The following HEBP2 variants were observed in gnomAD, a reference collection of about 807,000 sequenced individuals.
HEBP2 encodes the protein heme-binding protein 2.
Under a neutral mutation model 23.1 loss-of-function variants are expected in HEBP2, and 27 were observed. That is an observed-to-expected ratio of 1.17 (90% CI 0.86 to 1.61). The LOEUF is 1.61. Ranked by LOEUF, HEBP2 falls within the 40% of genes most tolerant of loss-of-function variation. HEBP2 has a pLI of 0.00. For synonymous variants in HEBP2, 99 were observed against 95.1 expected (o/e 1.04, Z -0.24); for missense variants, 245 against 253.8 (o/e 0.97, Z 0.24).
chr6:138,415,493 A>T lies in HEBP2; in HGVS notation c.*2415A>T, dbSNP rs1774827575. 1 of 152,202 alleles carries T rather than the reference A, an allele frequency of 6.6e-6. No homozygotes were observed. The highest frequency in any genetic ancestry group is 2.1e-4 in the South Asian group (1 of 4,830). The allele number at this position is 152,202 out of a possible 1,614,324, so 9.4% of individuals were successfully genotyped here. A position where few individuals can be genotyped will look rare whatever the true frequency, so the allele number is the denominator to read the frequency against. ...AATATGGGAAGGGTGGATAAAAGAG[A>T]CAAGGACAGTGGGCTTCCATGGTTA... On this transcript the variant is annotated 3_prime_UTR_variant, in exon 4 of 4. Transcript: ENST00000607197.
At chr6:138,403,557 G>A (rs1473984010), upstream of HEBP2, 3 of 475,954 alleles carry the variant, frequency 6.3e-6, no homozygotes, top group Non-Finnish European at 7.5e-6. Context: ...AGCTCTGGCT[G>A]CCCACGATGG....
chr6:138,410,169 C>T (rs962703678), intron 3 of HEBP2, among the ~76,000 whole-genome samples: 14 of 152,052 alleles, frequency 9.2e-5, no homozygotes, highest in African/African-American at 3.1e-4. Flanking sequence ...TATTTATAGA[C>T]GGAAATTTCT....
At position 138,413,038 on chromosome 6, in the gene HEBP2, G is replaced by A. The variant is rs1361730240; in HGVS notation, c.578G>A (p.Trp193Ter). 3.1e-6 allele frequency: 5 copies of A among 1,613,630 alleles called. No individual in the cohort carries two copies. The Admixed American group carries it at 6.7e-5, about 22-fold the overall frequency. ...TTGCTTAATAGAAATAATGAAGTGT[G>A]GTTGATTCAAAAAAATGAACCCACC... ...VKLLNRNNEV[W>*]LIQKNEPTKE... Residue 193 changes from tryptophan to a stop codon, truncating the protein, a stop_gained, in exon 4 of 4, where the codon TGG becomes TAG. Transcript: ENST00000607197. LOFTEE classifies it high-confidence loss of function.
chr6:138,406,267 A>C, intron 3 of HEBP2, 116 bp downstream of exon 3: 1 of 905,372 alleles, frequency 1.1e-6, no homozygotes, highest in East Asian at 2.4e-5. Context: ...AATCAGGTCT[A>C]ATGCATTTTG....
At chr6:138,403,556 TG>T, upstream of HEBP2, 2 of 475,718 alleles carry the variant, frequency 4.2e-6, no homozygotes, top group Non-Finnish European at 7.5e-6. Context: ...GAGCTCTGGC[TG>T]CCCACGATGG....
intron 3 of HEBP2, among the ~76,000 whole-genome samples, chr6:138,410,479 C>CTTTT (rs59336303): frequency 1.8e-4 from 24 of 134,876 alleles, no homozygotes; most frequent in Non-Finnish European, 2.2e-4. Context: ...ATGTTTCTTT[C>CTTTT]TTTTTTTTTT....
intron 3 of HEBP2, 57 bp downstream of exon 3, chr6:138,406,208 A>C: frequency 6.8e-7 from 1 of 1,465,688 alleles, no homozygotes; most frequent in Non-Finnish European, 9.5e-7. Flanking sequence ...GCGTGCACTC[A>C]CAGTTTAGCT....
At position 138,421,835 on chromosome 6, in the gene HEBP2, T is replaced by A. The variant is rs1774944254; in HGVS notation, c.*8757T>A. 1 of 152,226 alleles carries A rather than the reference T, an allele frequency of 6.6e-6. No homozygotes were observed. Among genetic ancestry groups the A allele is most frequent in the Admixed American group, 6.5e-5 (1 of 15,282 alleles). The allele number at this position is 152,226 out of a possible 1,614,324, so 9.4% of individuals were successfully genotyped here. A position where few individuals can be genotyped will look rare whatever the true frequency, so the allele number is the denominator to read the frequency against. On this transcript the variant is annotated 3_prime_UTR_variant, in exon 4 of 4. Coordinates refer to ENST00000607197, the MANE Select transcript of HEBP2 (RefSeq NM_014320.3). ...AAAGTCCATAGGACACGATGTGGACTTGTTTTTCCACGTGCCCTTGTAGAT... is the reference window on the plus strand; with the variant it reads ...AAAGTCCATAGGACACGATGTGGACATGTTTTTCCACGTGCCCTTGTAGAT...
rs111740961 is a variant in HEBP2 at position 138,411,798 on chromosome 6, T to A, written c.420-1082T>A. ...CACAGTAAGACCCTGTCTCTACAGG[T>A]TTTTTAAAAAATTAGTCCGATGTGC... is the stretch of plus-strand genomic sequence containing the variant. On this transcript the variant is annotated intron_variant, in intron 3 of 3. Transcript: ENST00000607197. 3.3e-3 allele frequency among the ~76,000 whole-genome samples: 506 copies of A among 152,098 alleles called. 1 individual carries two copies. The highest frequency in any genetic ancestry group is 6.8e-3 in the Middle Eastern group (2 of 294).
In HEBP2 at chr6:138,405,139, C is replaced by G. The variant is rs757137760; in HGVS notation, c.103-6C>G. The G allele has an allele frequency of 3.1e-6, 5 of 1,608,494 alleles. No homozygotes were observed. Among genetic ancestry groups the G allele is most frequent in the African/African-American group, 2.7e-5 (2 of 74,500 alleles). On this transcript the variant is annotated splice_polypyrimidine_tract_variant and splice_region_variant and intron_variant, in intron 1 of 3. Transcript: ENST00000607197. ...GCTTCTCGAAGTTTTCTCTGTTCCA[C>G]TTTAGCCCGGAAGTTATGAGATCCG... is the stretch of plus-strand genomic sequence containing the variant.
In HEBP2 at chr6:138,414,609, A is replaced by AC. The variant is rs1339245981; in HGVS notation, c.*1533dup. ...GTGGTTCGCCGACAGTCTCCCCGTT[A>AC]CCGTCTTCAGGGTCCACGCCAGATT... On this transcript the variant is annotated 3_prime_UTR_variant, in exon 4 of 4. Coordinates refer to ENST00000607197, the MANE Select transcript of HEBP2 (RefSeq NM_014320.3). 2.0e-5 allele frequency: 3 copies of AC among 152,150 alleles called. No homozygotes were observed. The allele number at this position is 152,150 out of a possible 1,614,324, so 9.4% of individuals were successfully genotyped here.
Position 138,413,705 on chromosome 6 carries a change from G to C in HEBP2, c.*627G>C, listed in dbSNP as rs978211624. 3 of 152,366 alleles carry C rather than the reference G, an allele frequency of 2.0e-5. No homozygotes were observed. The highest frequency in any genetic ancestry group is 4.4e-5 in the Non-Finnish European group (3 of 68,258). 9.4% of individuals were successfully genotyped at this position (152,366 alleles called of 1,614,324 possible). A position where few individuals can be genotyped will look rare whatever the true frequency, so the allele number is the denominator to read the frequency against. On this transcript the variant is annotated 3_prime_UTR_variant, in exon 4 of 4. Transcript: ENST00000607197. ...TGCTTTTTCCCCTAAACATTTCCCT[G>C]AACTGTCACGTATTTTCATTCATTC... is the stretch of plus-strand genomic sequence containing the variant.
chr6:138,407,681 TGGTCTCACTGTGGCCCTCTGCTTG>T (rs1353290635), intron 3 of HEBP2, among the ~76,000 whole-genome samples: 1 of 152,214 alleles, frequency 6.6e-6, no homozygotes, highest in African/African-American at 2.4e-5. Context: ...TGCAGTAGCT[TGGTCTCACTGTGGCCCTCTGCTTG>T]GGTCACATAC....
chr6:138,412,982 C>CT lies in HEBP2; in HGVS notation c.523dup (p.Tyr175LeufsTer13). 6.2e-7 allele frequency: 1 copy of CT among 1,613,974 alleles called. No individual in the cohort carries two copies. ...GAAAAGTTTTCGATGAGAAGGTTTA[C>CT]TACACTGCAGGCTACAACAGTCCTG... On this transcript the variant is annotated frameshift_variant, in exon 4 of 4. Transcript: ENST00000607197. LOFTEE classifies it high-confidence loss of function.
rs1774939046 is a variant in HEBP2 at position 138,421,734 on chromosome 6, TGTAAGAA to T, written c.*8659_*8665del. ...TCTCTCCCTGTATTTCATCCATGCC[TGTAAGAA>T]GTTCTCACGTCTCTCCACATGCCAC... On this transcript the variant is annotated 3_prime_UTR_variant, in exon 4 of 4. Coordinates refer to ENST00000607197, the MANE Select transcript of HEBP2 (RefSeq NM_014320.3). 6.6e-6 allele frequency: 1 copy of T among 152,216 alleles called. No individual in the cohort carries two copies. The highest frequency in any genetic ancestry group is 1.9e-4 in the East Asian group (1 of 5,198). 9.4% of individuals were successfully genotyped at this position (152,216 alleles called of 1,614,324 possible).
chr6:138,415,216 T>G lies in HEBP2; in HGVS notation c.*2138T>G, dbSNP rs1481515823. 2 of 152,236 alleles carry G rather than the reference T, an allele frequency of 1.3e-5. No homozygotes were observed. The highest frequency in any genetic ancestry group is 4.8e-5 in the African/African-American group (2 of 41,448). The allele number at this position is 152,236 out of a possible 1,614,324, so 9.4% of individuals were successfully genotyped here. ...CTTTCAGAGATGTCACTTCACCAGT[T>G]TTGTACTCCTAACTCCATCTCAGCC... On this transcript the variant is annotated 3_prime_UTR_variant, in exon 4 of 4. Coordinates refer to ENST00000607197, the MANE Select transcript of HEBP2 (RefSeq NM_014320.3).
chr6:138,412,746 G>C (rs1177297179), intron 3 of HEBP2, 134 bp from the exon 4 acceptor site: 1 of 724,558 alleles, frequency 1.4e-6, no homozygotes, highest in Admixed American at 2.6e-5. Context: ...GAGCCACCTC[G>C]CCTGGCCGAG....
At chr6:138,406,928 G>T (rs1182748691) in intron 3 of HEBP2, among the ~76,000 whole-genome samples, 1 of 152,122 alleles carries the variant, frequency 6.6e-6, no homozygotes, top group African/African-American at 2.4e-5. Flanking sequence ...CTACTTGGGA[G>T]GCTGAGGTAG....
chr6:138,408,409 AAC>A (rs1307014681), intron 3 of HEBP2, among the ~76,000 whole-genome samples: 1 of 152,186 alleles, frequency 6.6e-6, no homozygotes, highest in African/African-American at 2.4e-5. Context: ...CTGGGACACA[AAC>A]ACAGTTTCTT....
Sources: allele counts gnomAD v4.1 joint callset (sites outside exome capture counted in the v4.1 genomes callset), GRCh38; gene constraint gnomAD v4.1.1; transcripts MANE v1.5; gene names NCBI Gene and HGNC (gene_info 2026-07-23, HGNC 2026-07-21).